The following CCDC85C variants were observed in gnomAD, a reference collection of about 807,000 sequenced individuals.
The protein encoded by CCDC85C is coiled-coil domain-containing protein 85C.
A neutral mutation model predicts 38.3 loss-of-function variants in CCDC85C; 18 were observed. The observed-to-expected ratio is 0.47, with a 90% CI of 0.33 to 0.70. The LOEUF is 0.70. Among genes scored for constraint, CCDC85C ranks in the 30% least tolerant of loss-of-function variants. The pLI, the probability that CCDC85C is intolerant of heterozygous loss-of-function variation, is 0.03. For missense variants in CCDC85C, 566 were observed against 621.2 expected, an observed-to-expected ratio of 0.91 and a Z score of 0.94; for synonymous variants, 264 against 293.8, an observed-to-expected ratio of 0.90 and a Z score of 1.04.
chr14:99,551,311 G>C (rs1160567966), intron 1 of CCDC85C, among the ~76,000 whole-genome samples: 3 of 152,302 alleles, frequency 2.0e-5, no homozygotes, highest in South Asian at 4.1e-4. Flanking sequence ...TGGAGGCAGT[G>C]GGGGGAAGGT....
At chr14:99,581,690 C>T (rs2054971867) in intron 1 of CCDC85C, among the ~76,000 whole-genome samples, 1 of 152,206 alleles carries the variant, frequency 6.6e-6, no homozygotes, top group Non-Finnish European at 1.5e-5. Flanking sequence ...CGCAGGGAAA[C>T]AACCTGGCAG....
rs2055231979 is a variant in CCDC85C at position 99,603,468 on chromosome 14, T to G, written c.492A>C (p.Ala164=). 3 of 1,284,986 alleles carry G rather than the reference T, an allele frequency of 2.3e-6. No homozygotes were observed. Among genetic ancestry groups the G allele is most frequent in the African/African-American group, 3.1e-5 (2 of 64,000 alleles). The allele number at this position is 1,284,986 out of a possible 1,614,324, so 79.6% of individuals were successfully genotyped here. A position where few individuals can be genotyped will look rare whatever the true frequency, so the allele number is the denominator to read the frequency against. ...CGCCCCCGCCGCCGCCGCCACCGCT[T>G]GCGGCCCCCGTCGCCGCCAGTGCCG... is the stretch of plus-strand genomic sequence containing the variant. The part of the protein sequence containing the change: ...ERAALAATGA[A]SGGGGGGGGA... The change falls in exon 1 of 6, where the codon GCA becomes GCC. Residue 164 remains alanine, a synonymous_variant. Transcript: ENST00000380243. This position sits in a 1 kb window ranked among gnomAD's most constrained non-coding sequence, Gnocchi z 7.5.
intron 1 of CCDC85C, among the ~76,000 whole-genome samples, chr14:99,578,446 G>A (rs554387385): frequency 2.0e-4 from 30 of 152,186 alleles, no homozygotes; most frequent in Middle Eastern, 3.4e-3. Flanking sequence ...TATGTTCCCC[G>A]TCATGCAGTA....
chr14:99,580,194 G>A (rs1415235017), intron 1 of CCDC85C: 2 of 447,544 alleles, frequency 4.5e-6, no homozygotes, highest in Non-Finnish European at 9.0e-6. Context: ...GGTGGCTCAG[G>A]TGTGGCCCCG....
chr14:99,515,698 C>T (rs1306474959), intron 5 of CCDC85C, among the ~76,000 whole-genome samples: 1 of 152,112 alleles, frequency 6.6e-6, no homozygotes, highest in Non-Finnish European at 1.5e-5. Flanking sequence ...TGCAAGCACC[C>T]CCAAGGAGAC....
chr14:99,552,982 G>A (rs562509966), intron 1 of CCDC85C, among the ~76,000 whole-genome samples: 4 of 152,306 alleles, frequency 2.6e-5, no homozygotes, highest in African/African-American at 9.6e-5. Flanking sequence ...GGGATGGCCT[G>A]GGGGTGTGGC....
At chr14:99,552,780 G>C (rs1005232139) in intron 1 of CCDC85C, among the ~76,000 whole-genome samples, 1 of 152,234 alleles carries the variant, frequency 6.6e-6, no homozygotes, top group African/African-American at 2.4e-5. Context: ...TGGACCCAAG[G>C]TTCTCCCCGC....
chr14:99,577,813 GTACACATCACACCCATACAGCCCGTCC>G, intron 1 of CCDC85C, among the ~76,000 whole-genome samples: 5 of 139,492 alleles, frequency 3.6e-5, no homozygotes, highest in African/African-American at 1.4e-4. Context: ...GTGTGTGTGT[GTACACATCACACCCATACAGCCCGTCC>G]TGTATCCCCC....
intron 1 of CCDC85C, among the ~76,000 whole-genome samples, chr14:99,601,764 A>G (rs1196032329): frequency 6.6e-6 from 1 of 152,186 alleles, no homozygotes; most frequent in African/African-American, 2.4e-5. Context: ...AGTGTTACAA[A>G]GAGAAACCTG....
rs1482945708 is a variant in CCDC85C at position 99,505,543 on chromosome 14, T to G, written c.*9703A>C. The G allele has an allele frequency of 6.6e-6, 1 of 152,248 alleles. No homozygotes were observed. The highest frequency in any genetic ancestry group is 1.5e-5 in the Non-Finnish European group (1 of 68,042). 9.4% of individuals were successfully genotyped at this position (152,248 alleles called of 1,614,324 possible). On this transcript the variant is annotated 3_prime_UTR_variant, in exon 6 of 6. Transcript: ENST00000380243. The stretch of plus-strand genomic sequence containing the variant: ...CTTTTTCCTTTTATTTCCAGAGTCT[T>G]GCTCTGTTAATGCAGGCTGGAGTGC...
At chr14:99,601,936 G>A (rs945839706) in intron 1 of CCDC85C, among the ~76,000 whole-genome samples, 1 of 122,316 alleles carries the variant, frequency 8.2e-6, no homozygotes, top group East Asian at 2.7e-4. Context: ...ACCCCAACAC[G>A]TCTGCAGAGG....
rs1222681329 is a variant in CCDC85C, at chr14:99,508,323, G to A, written c.*6923C>T. The A allele has an allele frequency of 6.6e-6, 1 of 152,304 alleles. No homozygotes were observed. The highest frequency in any genetic ancestry group is 6.5e-5 in the Admixed American group (1 of 15,294). 9.4% of individuals were successfully genotyped at this position (152,304 alleles called of 1,614,324 possible). A position where few individuals can be genotyped will look rare whatever the true frequency, so the allele number is the denominator to read the frequency against. ...GTGCAGTTCCCCTGGTCCGAGCCTG[G>A]GGCTGTGCCTTCACTGAGGAGATGG... On this transcript the variant is annotated 3_prime_UTR_variant, in exon 6 of 6. Transcript: ENST00000380243.
chr14:99,601,482 G>A (rs1417525238), intron 1 of CCDC85C, among the ~76,000 whole-genome samples: 2 of 152,204 alleles, frequency 1.3e-5, no homozygotes, highest in Admixed American at 1.3e-4. Flanking sequence ...GCCCTCCAGT[G>A]TCCTGCAGAG....
intron 2 of CCDC85C, among the ~76,000 whole-genome samples, chr14:99,534,094 A>G (rs1383647806): frequency 2.0e-5 from 3 of 152,146 alleles, no homozygotes; most frequent in East Asian, 3.9e-4. Context: ...GGTGGCTCAC[A>G]CCTGTAATCC....
Position 99,587,579 on chromosome 14 carries a change from G to A in CCDC85C, c.793+15588C>T, listed in dbSNP as rs564070609. Among the ~76,000 whole-genome samples, 8 of 152,278 alleles carry A rather than the reference G, an allele frequency of 5.3e-5. No individual in the cohort carries two copies. The South Asian group carries it at 1.2e-3, about 24-fold the overall frequency. Reference sequence around the variant, plus strand: ...CTGTCCCTCACAGCCCCTCCGCAAGGTCAGTCACTCACCCGCTTCTGGGCC... The same window carrying A: ...CTGTCCCTCACAGCCCCTCCGCAAGATCAGTCACTCACCCGCTTCTGGGCC... On this transcript the variant is annotated intron_variant, in intron 1 of 5. Coordinates refer to ENST00000380243, the MANE Select transcript of CCDC85C (RefSeq NM_001144995.2).
chr14:99,577,705 C>G (rs558656572), intron 1 of CCDC85C, among the ~76,000 whole-genome samples: 50 of 145,376 alleles, frequency 3.4e-4, no homozygotes, highest in African/African-American at 1.3e-3. Flanking sequence ...GTGTACACAT[C>G]TCCACACCCA....
chr14:99,604,104 C>G lies in CCDC85C; in HGVS notation c.-145G>C. 1.2e-6 allele frequency: 1 copy of G among 810,472 alleles called. No individual in the cohort carries two copies. Among genetic ancestry groups the G allele is most frequent in the Non-Finnish European group, 1.5e-6 (1 of 673,862 alleles). 50.2% of individuals were successfully genotyped at this position (810,472 alleles called of 1,614,324 possible). On this transcript the variant is annotated 5_prime_UTR_variant, in exon 1 of 6. Coordinates refer to ENST00000380243, the MANE Select transcript of CCDC85C (RefSeq NM_001144995.2). ...CCCCGCGCCGCCTGGCGCGTCCTCT[C>G]GCCGCGCCCGCCGGGGCCGCCCGGG...
At chr14:99,529,821 G>A (rs919320474) in intron 2 of CCDC85C, among the ~76,000 whole-genome samples, 6 of 152,362 alleles carry the variant, frequency 3.9e-5, no homozygotes, top group Admixed American at 3.9e-4. Context: ...GAGGCTGGCG[G>A]AGGCTATGGC....
In CCDC85C at chr14:99,502,414, A is replaced by G; in HGVS notation, c.*12832T>C. ...CTAAGCGTTCTCGTGAGGGTGTTCCATGTTGAGATGATTCTTCCATGTGTA... is the reference window on the plus strand; with the variant it reads ...CTAAGCGTTCTCGTGAGGGTGTTCCGTGTTGAGATGATTCTTCCATGTGTA... On this transcript the variant is annotated 3_prime_UTR_variant, in exon 6 of 6. Coordinates refer to ENST00000380243, the MANE Select transcript of CCDC85C (RefSeq NM_001144995.2). 6.3e-7 allele frequency: 1 copy of G among 1,599,122 alleles called. No individual in the cohort carries two copies. Among genetic ancestry groups the G allele is most frequent in the Non-Finnish European group, 8.5e-7 (1 of 1,172,010 alleles).
Sources: allele counts gnomAD v4.1 joint callset (sites outside exome capture counted in the v4.1 genomes callset), GRCh38; gene constraint gnomAD v4.1.1; non-coding constraint Gnocchi (gnomAD v3.1); transcripts MANE v1.5; gene names NCBI Gene and HGNC (gene_info 2026-07-23, HGNC 2026-07-21).